The following STK10 variants were observed in gnomAD, a reference collection of about 807,000 sequenced individuals.
STK10 encodes the protein serine/threonine kinase 10, also known as serine/threonine-protein kinase 10.
STK10 carries 78 observed loss-of-function variants against 113.8 expected under a neutral mutation model. The ratio of observed to expected loss-of-function variants is 0.69; its 90% CI spans 0.57 to 0.83. The LOEUF (loss-of-function observed/expected upper bound fraction) is 0.83. Ranked by LOEUF, STK10 falls within the 40% of genes least tolerant of loss-of-function variation. The pLI is 0.00. For synonymous variants in STK10, 465 were observed against 494.7 expected (o/e 0.94, Z 0.80); for missense variants, 1,109 against 1,280.1 (o/e 0.87, Z 2.04).
intron 17 of STK10, among the ~76,000 whole-genome samples, chr5:172,054,202 G>C (rs767342766): frequency 1.3e-5 from 2 of 152,162 alleles, no homozygotes; most frequent in Non-Finnish European, 2.9e-5. Context: ...AGCAAAAGCA[G>C]CCCACAAGGG....
chr5:172,043,712 C>G lies in STK10; in HGVS notation c.*1170G>C, dbSNP rs761128870. ...GCCAACTGAGACCCCGAAGGCCCAGCAGGAGTCCATCTGAGGTACAGAACC... is the reference window on the plus strand; with the variant it reads ...GCCAACTGAGACCCCGAAGGCCCAGGAGGAGTCCATCTGAGGTACAGAACC... On this transcript the variant is annotated 3_prime_UTR_variant, in exon 19 of 19. Coordinates refer to ENST00000176763, the MANE Select transcript of STK10 (RefSeq NM_005990.4). The G allele has an allele frequency of 6.6e-6, 1 of 152,212 alleles. No individual in the cohort carries two copies. Among genetic ancestry groups the G allele is most frequent in the African/African-American group, 2.4e-5 (1 of 41,460 alleles). The allele number at this position is 152,212 out of a possible 1,614,324, so 9.4% of individuals were successfully genotyped here. A position where few individuals can be genotyped will look rare whatever the true frequency, so the allele number is the denominator to read the frequency against.
intron 5 of STK10, 138 bp downstream of exon 5, chr5:172,107,642 A>T (rs1218019554): frequency 4.6e-6 from 3 of 650,954 alleles, no homozygotes; most frequent in Non-Finnish European, 5.1e-6. Flanking sequence ...AGCTTGTCCA[A>T]GGTCACACAG....
chr5:172,164,760 G>A (rs1770534480), intron 1 of STK10, among the ~76,000 whole-genome samples: 2 of 152,184 alleles, frequency 1.3e-5, no homozygotes, highest in South Asian at 4.1e-4. Flanking sequence ...AGTAGATGAG[G>A]CCCACGTGGG....
At chr5:172,171,928 T>C (rs1413140773) in intron 1 of STK10, among the ~76,000 whole-genome samples, 1 of 151,968 alleles carries the variant, frequency 6.6e-6, no homozygotes, top group Non-Finnish European at 1.5e-5. Context: ...ACACCTGTAA[T>C]CCCCCTGTAA....
At chr5:172,065,561 T>C (rs539850627) in intron 12 of STK10, among the ~76,000 whole-genome samples, 6 of 152,250 alleles carry the variant, frequency 3.9e-5, no homozygotes, top group African/African-American at 1.4e-4. Context: ...TGTCAGCCCC[T>C]GAGGTCCAGG....
At position 172,170,966 on chromosome 5, in the gene STK10, T is replaced by A. The variant is rs190213813; in HGVS notation, c.157-14178A>T. ...AGGAAGTGAGGAAGGAAGCACTTTA[T>A]GGAGGGCCACCTATGCCCCCTGCCT... On this transcript the variant is annotated intron_variant, in intron 1 of 18. Transcript: ENST00000176763. Among the ~76,000 whole-genome samples, 456 of 152,296 alleles carry A rather than the reference T, an allele frequency of 3.0e-3. 3 individuals are homozygous for A. Among genetic ancestry groups the A allele is most frequent in the Admixed American group, 6.6e-3 (101 of 15,288 alleles).
chr5:172,130,478 C>T (rs1769729228), intron 2 of STK10, among the ~76,000 whole-genome samples: 1 of 150,814 alleles, frequency 6.6e-6, no homozygotes, highest in Non-Finnish European at 1.5e-5. Context: ...CTGCAGTGAG[C>T]GGAGATCACA....
chr5:172,134,857 G>A (rs549186677), intron 2 of STK10, among the ~76,000 whole-genome samples: 22 of 151,654 alleles, frequency 1.5e-4, no homozygotes, highest in African/African-American at 4.8e-4. Context: ...TTGGGAGGTC[G>A]AGAATGCAGC....
At chr5:172,048,667 C>G (rs1203799894) in intron 18 of STK10, among the ~76,000 whole-genome samples, 1 of 152,150 alleles carries the variant, frequency 6.6e-6, no homozygotes, top group Non-Finnish European at 1.5e-5. Context: ...GTCACCAAGG[C>G]TATCACAATG....
intron 1 of STK10, among the ~76,000 whole-genome samples, chr5:172,178,110 G>T (rs1293454841): frequency 6.6e-6 from 1 of 152,218 alleles, no homozygotes; most frequent in Non-Finnish European, 1.5e-5. Flanking sequence ...TTACAGGTGT[G>T]AGCCACCGCG....
At position 172,093,645 on chromosome 5, in the gene STK10, C is replaced by T; in HGVS notation, c.1321G>A (p.Ala441Thr). ...TGGCTGGCCTTTTGAGATCTGTTGGCTGCTGGGCTGAGGTCCCCACCCTGC... is the reference window on the plus strand; with the variant it reads ...TGGCTGGCCTTTTGAGATCTGTTGGTTGCTGGGCTGAGGTCCCCACCCTGC... ...AEQGGDLSPA[A>T]NRSQKASQSR... is the part of the protein sequence containing the mutation. Residue 441 changes from alanine to threonine, a missense_variant, in exon 9 of 19, where the codon GCC (alanine) becomes ACC (threonine). Around this residue, in one of 5 missense-constraint regions of STK10, gnomAD observed 885 missense variants for 991.1 expected, o/e 0.89. Coordinates refer to ENST00000176763, the MANE Select transcript of STK10 (RefSeq NM_005990.4). The surrounding 1 kb of genome is among the most constrained non-coding windows in gnomAD (Gnocchi z 4.1). The T allele has an allele frequency of 1.2e-5, 19 of 1,614,264 alleles. No individual in the cohort carries two copies. Among genetic ancestry groups the T allele is most frequent in the Non-Finnish European group, 1.4e-5 (17 of 1,180,048 alleles).
chr5:172,102,586 C>T (rs961475876), intron 7 of STK10, among the ~76,000 whole-genome samples: 2 of 152,070 alleles, frequency 1.3e-5, no homozygotes, highest in Admixed American at 6.6e-5. Flanking sequence ...GAAGGAGAGG[C>T]TTATGACCAA....
intron 3 of STK10, among the ~76,000 whole-genome samples, chr5:172,125,192 TCTGCATATGCCCTAGTGACCCA>T (rs756484460): frequency 2.0e-5 from 3 of 152,260 alleles, no homozygotes; most frequent in Admixed American, 6.5e-5. Context: ...TCTTTCGGCA[TCTGCATATGCCCTAGTGACCCA>T]CTGAGGGTTT....
chr5:172,176,901 C>T (rs1200362439), intron 1 of STK10, among the ~76,000 whole-genome samples: 3 of 152,250 alleles, frequency 2.0e-5, no homozygotes, highest in South Asian at 2.1e-4. Flanking sequence ...GAGGCCGGTG[C>T]GGTGGCTCAC....
At chr5:172,059,727 C>T (rs1336250625) in intron 14 of STK10, among the ~76,000 whole-genome samples, 2 of 152,080 alleles carry the variant, frequency 1.3e-5, no homozygotes, top group Non-Finnish European at 1.5e-5. Context: ...GATGGTGGCC[C>T]GCACCATCAT....
intron 7 of STK10, among the ~76,000 whole-genome samples, chr5:172,098,920 A>G (rs1768915347): frequency 6.6e-6 from 1 of 151,416 alleles, no homozygotes; most frequent in South Asian, 2.1e-4. Flanking sequence ...CACCACCATC[A>G]TTACCATTAC....
rs751207272 is a variant in STK10 at position 172,090,254 on chromosome 5, CCTT to C, written c.1660_1662del (p.Lys554del). The C allele has an allele frequency of 8.1e-6, 13 of 1,613,924 alleles. No homozygotes were observed. Among genetic ancestry groups the C allele is most frequent in the Admixed American group, 3.3e-5 (2 of 59,986 alleles). On this transcript the variant is annotated inframe_deletion, in exon 10 of 19. Transcript: ENST00000176763. ...TGCCTGAGAAATCTCATCTCCTCAT[CCTT>C]CTTCTCATCTTCGCTGATGATCTTG...
At chr5:172,181,153 G>A (rs777320553) in intron 1 of STK10, among the ~76,000 whole-genome samples, 32 of 152,160 alleles carry the variant, frequency 2.1e-4, no homozygotes, top group Non-Finnish European at 4.1e-4. Context: ...AGCTCCCTAC[G>A]CTGCTGCCTT....
intron 4 of STK10, among the ~76,000 whole-genome samples, chr5:172,110,579 A>G (rs1769217782): frequency 6.6e-6 from 1 of 152,142 alleles, no homozygotes. Context: ...CCAGGCAGAG[A>G]AAACTGCAAA....
Sources: gnomAD v4.1 joint callset for allele counts (sites outside exome capture counted in the v4.1 genomes callset) on GRCh38, gnomAD v4.1.1 for gene constraint, gnomAD v4.1.1 regional missense constraint, Gnocchi (gnomAD v3.1) non-coding constraint, MANE v1.5 for transcripts, NCBI Gene and HGNC (gene_info 2026-07-23, HGNC 2026-07-21) for gene names.